Variants in SPC25 observed in about 807,000 individuals in gnomAD.
The protein encoded by SPC25 is kinetochore protein Spc25.
A neutral mutation model predicts 29.6 loss-of-function variants in SPC25; 22 were observed. The observed-to-expected ratio is 0.74, with a 90% CI of 0.53 to 1.06. SPC25 has a LOEUF of 1.06. Ranked by LOEUF, SPC25 falls within the 50% of genes least tolerant of loss-of-function variation. The pLI is 0.00. For synonymous variants in SPC25, 91 were observed against 90.4 expected (o/e 1.01, Z -0.04); for missense variants, 230 against 255.8 (o/e 0.90, Z 0.69).
At chr2:168,880,755 T>C (rs1014805193) in intron 3 of SPC25, among the ~76,000 whole-genome samples, 2 of 152,200 alleles carry the variant, frequency 1.3e-5, no homozygotes, top group Non-Finnish European at 2.9e-5. Context: ...TTAATTGGCC[T>C]AATTTCAATA....
At chr2:168,864,214 TAATCTGCCC>T (rs2105808405) in intron 4 of SPC25, among the ~76,000 whole-genome samples, 1 of 151,962 alleles carries the variant, frequency 6.6e-6, no homozygotes, top group South Asian at 2.1e-4. Context: ...GTAATCTGCC[TAATCTGCCC>T]ATCGCGGCCT....
chr2:168,888,644 G>C (rs1007457001), intron 3 of SPC25, among the ~76,000 whole-genome samples: 4 of 151,848 alleles, frequency 2.6e-5, no homozygotes, highest in Non-Finnish European at 5.9e-5. Flanking sequence ...GGTGGGAGAA[G>C]GTGTAACATA....
intron 3 of SPC25, among the ~76,000 whole-genome samples, chr2:168,884,159 A>G (rs183446109): frequency 7.2e-5 from 11 of 152,228 alleles, no homozygotes; most frequent in African/African-American, 2.6e-4. Flanking sequence ...CACCAGAGGA[A>G]CCCTTCTTTG....
chr2:168,882,534 G>A (rs1559156235), intron 3 of SPC25, among the ~76,000 whole-genome samples: 1 of 152,174 alleles, frequency 6.6e-6, no homozygotes, highest in South Asian at 2.1e-4. Flanking sequence ...CCAGGGAGTC[G>A]GAGGTTGCAG....
At chr2:168,871,606 T>C in intron 6 of SPC25, 51 bp from the exon 7 acceptor site, 3 of 1,492,208 alleles carry the variant, frequency 2.0e-6, no homozygotes, top group Non-Finnish European at 2.7e-6. Flanking sequence ...AGTTTTTTTA[T>C]GGCACAGAAG....
chr2:168,870,665 T>C (rs1226572199), downstream of SPC25, among the ~76,000 whole-genome samples: 1 of 151,408 alleles, frequency 6.6e-6, no homozygotes, highest in Non-Finnish European at 1.5e-5. Context: ...AGATACCATC[T>C]CACACCAGTT....
At chr2:168,879,195 G>C (rs766952365) in intron 3 of SPC25, among the ~76,000 whole-genome samples, 17 of 152,146 alleles carry the variant, frequency 1.1e-4, no homozygotes, top group South Asian at 2.1e-4. Context: ...CAACAATAAA[G>C]TTTGCTGCAT....
At chr2:168,868,695 G>A (rs1689918182), downstream of SPC25, among the ~76,000 whole-genome samples, 1 of 152,180 alleles carries the variant, frequency 6.6e-6, no homozygotes, top group African/African-American at 2.4e-5. Context: ...AACAGGCTCT[G>A]AAATTGAGGC....
At chr2:168,876,788 A>T (rs1207853024) in intron 4 of SPC25, among the ~76,000 whole-genome samples, 2 of 152,104 alleles carry the variant, frequency 1.3e-5, no homozygotes, top group Non-Finnish European at 2.9e-5. Context: ...TTGTGAGCAA[A>T]CAAGGCTCCT....
chr2:168,881,453 G>A (rs1690176668), intron 3 of SPC25, among the ~76,000 whole-genome samples: 1 of 152,142 alleles, frequency 6.6e-6, no homozygotes, highest in Admixed American at 6.5e-5. Flanking sequence ...TGCTACTTGG[G>A]GCCCATTGCA....
At chr2:168,863,004 TACTTTTCTTCC>T (rs988228664) in intron 4 of SPC25, among the ~76,000 whole-genome samples, 1 of 118,882 alleles carries the variant, frequency 8.4e-6, no homozygotes, top group Non-Finnish European at 1.7e-5. Context: ...TCCAGGCAAT[TACTTTTCTTCC>T]TATGTGAATA....
intron 3 of SPC25, among the ~76,000 whole-genome samples, chr2:168,888,610 T>C (rs1690313299): frequency 6.6e-6 from 1 of 151,770 alleles, no homozygotes; most frequent in East Asian, 1.9e-4. Context: ...TACTAAACAA[T>C]ATATTGATAG....
intron 3 of SPC25, among the ~76,000 whole-genome samples, chr2:168,881,380 G>A (rs1329749994): frequency 6.6e-6 from 1 of 152,134 alleles, no homozygotes; most frequent in Non-Finnish European, 1.5e-5. Context: ...CTCTCTGCTG[G>A]GAAAGGAGTA....
At chr2:168,881,745 A>G (rs1487844833) in intron 3 of SPC25, among the ~76,000 whole-genome samples, 1 of 152,270 alleles carries the variant, frequency 6.6e-6, no homozygotes, top group African/African-American at 2.4e-5. Flanking sequence ...TAATTCCAGT[A>G]TCATAATTAC....
chr2:168,869,083 T>G (rs1689929765), downstream of SPC25, among the ~76,000 whole-genome samples: 1 of 152,144 alleles, frequency 6.6e-6, no homozygotes, highest in Non-Finnish European at 1.5e-5. Context: ...ATCCAGCATA[T>G]AAACAGAACC....
At chr2:168,865,049 A>AAGAG in intron 4 of SPC25, 5 of 1,481,204 alleles carry the variant, frequency 3.4e-6, no homozygotes, top group Non-Finnish European at 3.7e-6. Flanking sequence ...AAGTGCTCTT[A>AAGAG]CCTTTACATG....
At chr2:168,889,034 CATATATATATACACATATATATACAT>C (rs1345830677) in intron 3 of SPC25, among the ~76,000 whole-genome samples, 166 bp downstream of exon 3, 1,188 of 21,620 alleles carry the variant, frequency 0.055, 38 homozygotes, top group African/African-American at 0.11. Flanking sequence ...CATATATATA[CATATATATATACACATATATATACAT>C]ATATATATAC....
At chr2:168,888,564 C>T (rs932954499) in intron 3 of SPC25, among the ~76,000 whole-genome samples, 5 of 151,806 alleles carry the variant, frequency 3.3e-5, no homozygotes, top group Non-Finnish European at 7.4e-5. Flanking sequence ...CAAAGTGAGA[C>T]CCTGTCTCAA....
chr2:168,867,717 A>T (rs1458137039), downstream of SPC25, among the ~76,000 whole-genome samples: 1 of 152,234 alleles, frequency 6.6e-6, no homozygotes, highest in Non-Finnish European at 1.5e-5. Flanking sequence ...CCAATACAGG[A>T]GCACCCAGAT....
Sources: allele counts gnomAD v4.1 joint callset (sites outside exome capture counted in the v4.1 genomes callset), GRCh38; gene constraint gnomAD v4.1.1; transcripts MANE v1.5; gene names NCBI Gene and HGNC (gene_info 2026-07-23, HGNC 2026-07-21).